LRP2: variants seen among roughly 807,000 people sequenced by gnomAD.
The protein encoded by LRP2 is low-density lipoprotein receptor-related protein 2.
LRP2 carries 172 observed loss-of-function variants against 531.0 expected under a neutral mutation model. That is an observed-to-expected ratio of 0.32 (90% CI 0.29 to 0.37). The LOEUF is 0.37. LRP2 is among the 10% of genes least tolerant of loss of function. The pLI, the probability that LRP2 is intolerant of heterozygous loss-of-function variation, is 1.00. For missense variants in LRP2, 5,167 were observed against 5,868.3 expected, an observed-to-expected ratio of 0.88 and a Z score of 3.90; for synonymous variants, 1,992 against 2,027.6, an observed-to-expected ratio of 0.98 and a Z score of 0.47.
chr2:169,358,267 T>C (rs1686045848), intron 1 of LRP2, among the ~76,000 whole-genome samples: 1 of 152,200 alleles, frequency 6.6e-6, no homozygotes, highest in African/African-American at 2.4e-5. Flanking sequence ...ACAGGCTAGA[T>C]GTCCTTAGGC....
intron 1 of LRP2, among the ~76,000 whole-genome samples, chr2:169,340,371 T>C (rs1685532340): frequency 6.6e-6 from 1 of 152,202 alleles, no homozygotes; most frequent in Non-Finnish European, 1.5e-5. Flanking sequence ...TAACATTCAT[T>C]TGCCTCTCTC....
At chr2:169,303,813 GA>G (rs1367172164) in intron 4 of LRP2, among the ~76,000 whole-genome samples, 4 of 152,082 alleles carry the variant, frequency 2.6e-5, no homozygotes, top group African/African-American at 9.7e-5. Flanking sequence ...AGTGTGCCCT[GA>G]AGGGTTCATG....
Position 169,172,011 on chromosome 2 carries a change from TCA to T in LRP2, c.11263+2_11263+3del. ...ATAAGGACCATAGGACTGTGAACACTCACCACAGTTTTCCTCATCTGAGTTAT... is the reference window on the plus strand; with the variant it reads ...ATAAGGACCATAGGACTGTGAACACTCCACAGTTTTCCTCATCTGAGTTAT... On this transcript the variant is annotated splice_donor_variant and splice_donor_region_variant and intron_variant, in intron 58 of 78. Transcript: ENST00000649046. LOFTEE classifies it high-confidence loss of function. 2 of 1,614,046 alleles carry T rather than the reference TCA, an allele frequency of 1.2e-6. No individual in the cohort carries two copies. The highest frequency in any genetic ancestry group is 8.5e-7 in the Non-Finnish European group (1 of 1,179,954).
At position 169,205,466 on chromosome 2, in the gene LRP2, CAG is replaced by C. The variant is rs1056846752; in HGVS notation, c.7715+11_7715+12del. 5.6e-6 allele frequency: 9 copies of C among 1,613,802 alleles called. No homozygotes were observed. The highest frequency in any genetic ancestry group is 7.6e-6 in the Non-Finnish European group (9 of 1,179,910). On this transcript the variant is annotated intron_variant, in intron 41 of 78. Coordinates refer to ENST00000649046, the MANE Select transcript of LRP2 (RefSeq NM_004525.3). ...TCTTCTTAACACCCACATGAGTAAC[CAG>C]AGACACCTACAGACTAGCATCCACC...
intron 68 of LRP2, among the ~76,000 whole-genome samples, chr2:169,149,843 A>AT (rs1417863699): frequency 5.9e-5 from 9 of 151,862 alleles, no homozygotes; most frequent in South Asian, 2.1e-4. Flanking sequence ...CTCCAAAAAA[A>AT]TTAAAAAAAA....
At chr2:169,259,260 T>C (rs1249415034) in intron 16 of LRP2, 43 bp from the exon 17 acceptor site, 2 of 1,502,170 alleles carry the variant, frequency 1.3e-6, no homozygotes, top group Non-Finnish European at 1.9e-6. Flanking sequence ...AAGTATATTT[T>C]GTAAGGCATC....
chr2:169,283,355 C>A (rs1298894687), intron 9 of LRP2, among the ~76,000 whole-genome samples: 8 of 152,136 alleles, frequency 5.3e-5, no homozygotes, highest in Non-Finnish European at 1.0e-4. Flanking sequence ...AACATGGCAG[C>A]CACTAACCCC....
chr2:169,289,243 C>T, intron 8 of LRP2, 98 bp from the exon 9 acceptor site: 1 of 1,471,040 alleles, frequency 6.8e-7, no homozygotes, highest in Non-Finnish European at 9.5e-7. Context: ...GCTCAGTAAG[C>T]ATGAAGTAGA....
At chr2:169,278,263 T>C (rs1046019409) in intron 12 of LRP2, among the ~76,000 whole-genome samples, 21 of 152,202 alleles carry the variant, frequency 1.4e-4, no homozygotes, top group Admixed American at 1.3e-3. Flanking sequence ...CATAGAAGGA[T>C]TGCTTGAGGC....
At chr2:169,158,854 A>G (rs951880286) in intron 63 of LRP2, among the ~76,000 whole-genome samples, 1 of 116,120 alleles carries the variant, frequency 8.6e-6, no homozygotes, top group Non-Finnish European at 1.9e-5. Flanking sequence ...AGTAAAAAAA[A>G]AACAAAAAAA....
intron 1 of LRP2, among the ~76,000 whole-genome samples, chr2:169,326,152 CT>C: frequency 1.3e-5 from 1 of 78,378 alleles, no homozygotes; most frequent in African/African-American, 6.6e-5. Context: ...CTCCCTCTCC[CT>C]CTCCCTCTCC....
intron 31 of LRP2, among the ~76,000 whole-genome samples, chr2:169,231,218 C>T (rs770860891): frequency 1.3e-5 from 2 of 149,404 alleles, no homozygotes; most frequent in Admixed American, 6.7e-5. Flanking sequence ...CACAGGGGCC[C>T]GGAAAGTGGA....
At position 169,233,122 on chromosome 2, in the gene LRP2, G is replaced by A. The variant is rs1689472025; in HGVS notation, c.5098+289C>T. Among the ~76,000 whole-genome samples, 3 of 152,198 alleles carry A rather than the reference G, an allele frequency of 2.0e-5. 1 individual carries two copies. The highest frequency in any genetic ancestry group is 4.4e-5 in the Non-Finnish European group (3 of 68,030). ...GCACTATCTGGTCTGTACTCCATTT[G>A]TCAGCTGAGGAAACGGAGACTCATG... On this transcript the variant is annotated intron_variant, in intron 30 of 78. Transcript: ENST00000649046.
Position 169,205,593 on chromosome 2 carries a change from C to T in LRP2, c.7601G>A (p.Arg2534Lys), listed in dbSNP as rs1688348953. The T allele has an allele frequency of 5.6e-6, 9 of 1,613,768 alleles. No homozygotes were observed. Among genetic ancestry groups the T allele is most frequent in the Non-Finnish European group, 7.6e-6 (9 of 1,179,982 alleles). ...ADWDTHAKIERATLGGNFRVP... is the reference protein window; with the variant it reads ...ADWDTHAKIEKATLGGNFRVP... ...GCGGAAGTTTCCTCCCAATGTGGCTCTCTCGATTTTGGCATGTGTATCCCA... is the reference window on the plus strand; with the variant it reads ...GCGGAAGTTTCCTCCCAATGTGGCTTTCTCGATTTTGGCATGTGTATCCCA... The change falls in exon 41 of 79, where the codon AGA (arginine) becomes AAA (lysine). Residue 2534 changes from arginine (R) to lysine (K), a missense_variant. Physicochemically the swap from Arg to Lys is conservative, Grantham distance 26. Coordinates refer to ENST00000649046, the MANE Select transcript of LRP2 (RefSeq NM_004525.3).
At chr2:169,231,951 T>A in intron 30 of LRP2, 109 bp from the exon 31 acceptor site, 1 of 1,349,152 alleles carries the variant, frequency 7.4e-7, no homozygotes, top group Non-Finnish European at 1.0e-6. Flanking sequence ...CAGGGGGGCT[T>A]AAGTACGTTG....
Position 169,242,997 on chromosome 2 carries a change from C to T in LRP2, c.3626G>A (p.Gly1209Asp). Residue 1209 changes from glycine (G) to aspartate (D), a missense_variant, in exon 24 of 79, where the codon GGT (glycine) becomes GAT (aspartate). Physicochemically the swap from Gly to Asp is moderately conservative, Grantham distance 94. This residue lies in a region of LRP2 where 2,811 missense variants were observed against 3,058.0 expected (regional missense o/e 0.92). Transcript: ENST00000649046. ...KCIGVTNRCD[G>D]VFDCSDNSDE... ...CGAGTTGTCACTGCAATCAAAAACA[C>T]CATCACAACGATTTGTGACGCCAAT... 6.2e-7 allele frequency: 1 copy of T among 1,614,146 alleles called. No homozygotes were observed. Among genetic ancestry groups the T allele is most frequent in the Non-Finnish European group, 8.5e-7 (1 of 1,180,008 alleles).
At chr2:169,360,148 AG>A (rs67700867) in intron 1 of LRP2, among the ~76,000 whole-genome samples, 2,942 of 41,306 alleles carry the variant, frequency 0.071, 190 homozygotes, top group African/African-American at 0.17. Context: ...AAAAAAAAAA[AG>A]AGAGAGAGAG....
chr2:169,316,402 T>A (rs749746089), intron 3 of LRP2, among the ~76,000 whole-genome samples: 2 of 152,160 alleles, frequency 1.3e-5, no homozygotes, highest in African/African-American at 4.8e-5. Context: ...AATAAAATAC[T>A]TTCATTATGA....
chr2:169,176,016 C>G (rs954276826), intron 54 of LRP2, among the ~76,000 whole-genome samples: 1 of 152,176 alleles, frequency 6.6e-6, no homozygotes, highest in African/African-American at 2.4e-5. Context: ...ATGTGTAACC[C>G]TGGATCCCCT....
Sources: allele counts gnomAD v4.1 joint callset (sites outside exome capture counted in the v4.1 genomes callset), GRCh38; gene constraint gnomAD v4.1.1; regional missense constraint gnomAD v4.1.1; transcripts MANE v1.5; gene names NCBI Gene and HGNC (gene_info 2026-07-23, HGNC 2026-07-21).